Variants in PCDHGB2 observed in about 807,000 individuals in gnomAD.
PCDHGB2 encodes the protein protocadherin gamma-B2.
PCDHGB2 carries 55 observed loss-of-function variants against 59.3 expected under a neutral mutation model. That is an observed-to-expected ratio of 0.93 (90% CI 0.75 to 1.16). The LOEUF is 1.16. Among genes scored for constraint, PCDHGB2 ranks in the 50% most tolerant of loss-of-function variants. PCDHGB2 has a pLI of 0.00. For missense variants in PCDHGB2, 1,228 were observed against 1,198.5 expected, an observed-to-expected ratio of 1.02 and a Z score of -0.36; for synonymous variants, 516 against 512.0, an observed-to-expected ratio of 1.01 and a Z score of -0.11.
At chr5:141,364,970 G>C in intron 1 of PCDHGB2, 2 of 1,613,914 alleles carry the variant, frequency 1.2e-6, no homozygotes, top group Non-Finnish European at 1.7e-6. Flanking sequence ...CCTCCTCACA[G>C]CTTTAGATGG....
intron 1 of PCDHGB2, among the ~76,000 whole-genome samples, chr5:141,456,902 G>A (rs886945444): frequency 6.6e-6 from 1 of 152,294 alleles, no homozygotes; most frequent in South Asian, 2.1e-4. Flanking sequence ...GGCAGAGGTT[G>A]CAGTGAGCCG....
intron 1 of PCDHGB2, among the ~76,000 whole-genome samples, chr5:141,448,712 G>A (rs1439461223): frequency 1.3e-5 from 2 of 152,004 alleles, no homozygotes; most frequent in African/African-American, 2.4e-5. Flanking sequence ...AGGCCGAGGC[G>A]GGAGGATCAC....
intron 1 of PCDHGB2, chr5:141,407,994 C>T (rs1449634415): frequency 1.0e-5 from 9 of 858,436 alleles, no homozygotes; most frequent in African/African-American, 1.7e-5. Flanking sequence ...CAGCCTCTGG[C>T]CTGGGATTCC....
chr5:141,422,549 TGAA>T (rs1554114956), intron 1 of PCDHGB2: 8 of 1,614,026 alleles, frequency 5.0e-6, no homozygotes, highest in Non-Finnish European at 6.8e-6. Flanking sequence ...CATGTCTGGC[TGAA>T]TGTGGCAGAT....
intron 1 of PCDHGB2, chr5:141,375,222 G>T: frequency 6.2e-7 from 1 of 1,613,926 alleles, no homozygotes; most frequent in Non-Finnish European, 8.5e-7. Flanking sequence ...GGCCTGAATG[G>T]CCTGGTAACC....
intron 1 of PCDHGB2, chr5:141,365,394 C>G (rs1245270195): frequency 6.2e-7 from 1 of 1,613,942 alleles, no homozygotes; most frequent in Admixed American, 1.7e-5. Context: ...CTGACCAGTT[C>G]GATCTCTGAA....
chr5:141,489,126 T>G lies in PCDHGB2; in HGVS notation c.2422-5681T>G. 31 of 585,108 alleles carry G rather than the reference T, an allele frequency of 5.3e-5. No homozygotes were observed. Among genetic ancestry groups the G allele is most frequent in the South Asian group, 1.3e-4 (4 of 31,402 alleles). 36.2% of individuals were successfully genotyped at this position (585,108 alleles called of 1,614,324 possible). On this transcript the variant is annotated intron_variant, in intron 1 of 3. Transcript: ENST00000522605. The surrounding 1 kb of genome is among the most constrained non-coding windows in gnomAD (Gnocchi z 4.5). ...TGCAAGCAGGCAAACCTCCGAGCAG[T>G]TTTTAAGAGGCTGGAAGGAGACATA...
intron 1 of PCDHGB2, chr5:141,423,184 C>T (rs747938944): frequency 9.3e-6 from 15 of 1,613,442 alleles, no homozygotes; most frequent in Non-Finnish European, 1.2e-5. Context: ...CCACGGCCAG[C>T]CCCCTCTCTC....
chr5:141,493,679 G>C lies in PCDHGB2; in HGVS notation c.2422-1128G>C. On this transcript the variant is annotated intron_variant, in intron 1 of 3. Transcript: ENST00000522605. This position sits in a 1 kb window ranked among gnomAD's most constrained non-coding sequence, Gnocchi z 4.3. ...CCTTCTCCATGGCAGCCCCAGAATG[G>C]TGCTGGTGACTCCCGATACACCTGG... Among the ~76,000 whole-genome samples the C allele has an allele frequency of 6.6e-6, 1 of 152,198 alleles. No individual in the cohort carries two copies. Among genetic ancestry groups the C allele is most frequent in the African/African-American group, 2.4e-5 (1 of 41,446 alleles).
intron 1 of PCDHGB2, chr5:141,393,809 A>G (rs566306926): frequency 1.9e-6 from 3 of 1,613,982 alleles, no homozygotes; most frequent in African/African-American, 1.3e-5. Context: ...GGAGGACCAA[A>G]TTGCTCATTT....
rs765754054 is a variant in PCDHGB2 at position 141,503,598 on chromosome 5, CA to C, written c.2481-1779del. Among the ~76,000 whole-genome samples, 277 of 65,728 alleles carry C rather than the reference CA, an allele frequency of 4.2e-3. 2 individuals are homozygous for C. The highest frequency in any genetic ancestry group is 0.012 in the Middle Eastern group (1 of 86). The allele number at this position is 65,728 out of a possible 152,430, so 43.1% of individuals were successfully genotyped here. A position where few individuals can be genotyped will look rare whatever the true frequency, so the allele number is the denominator to read the frequency against. ...TGGGTGACAGAGCGAGACTCCAGCT[CA>C]AAAAAAAAAAAAAAAGAAAAAAGAA... On this transcript the variant is annotated intron_variant, in intron 2 of 3. Coordinates refer to ENST00000522605, the MANE Select transcript of PCDHGB2 (RefSeq NM_018923.3).
intron 1 of PCDHGB2, chr5:141,408,797 C>A (rs965305130): frequency 6.2e-7 from 1 of 1,612,958 alleles, no homozygotes; most frequent in African/African-American, 1.3e-5. Context: ...TCTGGAGAAA[C>A]TCCTAGACCG....
chr5:141,394,488 G>A (rs753312224), intron 1 of PCDHGB2: 5 of 1,614,196 alleles, frequency 3.1e-6, no homozygotes, highest in South Asian at 2.2e-5. Flanking sequence ...GAATGACAAC[G>A]CGCCCGAGAT....
chr5:141,394,073 C>T (rs762892708), intron 1 of PCDHGB2: 14 of 1,613,718 alleles, frequency 8.7e-6, no homozygotes, highest in Non-Finnish European at 1.1e-5. Flanking sequence ...TCTACAATAT[C>T]ACAGTGATGG....
In PCDHGB2 at chr5:141,360,206, T is replaced by C. The variant is rs370543989; in HGVS notation, c.71T>C (p.Leu24Ser). The C allele has an allele frequency of 1.1e-5, 17 of 1,612,996 alleles. No homozygotes were observed. The highest frequency in any genetic ancestry group is 1.4e-5 in the Non-Finnish European group (16 of 1,179,490). The change falls in exon 1 of 4, where the codon TTG becomes TCG. Residue 24 changes from leucine (L) to serine (S), a missense_variant. Transcript: ENST00000522605. ...GTACTGTTGCCCTTCCTGTTGTCTT[T>C]GTTCCCCGGGGCTCTCCCAGTCCAG... ...LQVLLPFLLS[L>S]FPGALPVQIR...
At chr5:141,415,036 T>C (rs772612744) in intron 1 of PCDHGB2, 1 of 1,613,526 alleles carries the variant, frequency 6.2e-7, no homozygotes, top group Admixed American at 1.7e-5. Context: ...GCCGGGACTC[T>C]TCGCGGTGGG....
At chr5:141,377,672 C>CAAG (rs1410106152) in intron 1 of PCDHGB2, 2 of 151,680 alleles carry the variant, frequency 1.3e-5, no homozygotes, top group Admixed American at 1.3e-4. Context: ...GACGTTCATA[C>CAAG]AAGAGATCTT....
At chr5:141,416,657 A>C (rs1194195210) in intron 1 of PCDHGB2, 6 of 152,232 alleles carry the variant, frequency 3.9e-5, no homozygotes, top group Non-Finnish European at 7.3e-5. Context: ...TGTAAAAAAG[A>C]AAAGAATATA....
intron 1 of PCDHGB2, chr5:141,413,463 G>A: frequency 6.2e-7 from 1 of 1,614,128 alleles, no homozygotes; most frequent in African/African-American, 1.3e-5. Flanking sequence ...GGATAGACCG[G>A]GAGGAGCTCT....
Sources: allele counts gnomAD v4.1 joint callset (sites outside exome capture counted in the v4.1 genomes callset), GRCh38; gene constraint gnomAD v4.1.1; non-coding constraint Gnocchi (gnomAD v3.1); transcripts MANE v1.5; gene names NCBI Gene and HGNC (gene_info 2026-07-23, HGNC 2026-07-21).